PRIM2: variants seen among roughly 807,000 people sequenced by gnomAD.
The protein encoded by PRIM2 is DNA primase large subunit.
PRIM2 carries 39 observed loss-of-function variants against 67.3 expected under a neutral mutation model. That is an observed-to-expected ratio of 0.58 (90% confidence interval 0.45 to 0.76). PRIM2 has a LOEUF of 0.76. Among genes scored for constraint, PRIM2 ranks in the 30% least tolerant of loss-of-function variants. The pLI is 0.00. For synonymous variants in PRIM2, 143 were observed against 198.7 expected, an observed-to-expected ratio of 0.72 and a Z score of 2.36; for missense variants, 398 against 598.7, an observed-to-expected ratio of 0.66 and a Z score of 3.50.
upstream of PRIM2, among the ~76,000 whole-genome samples, chr6:57,311,201 A>AGAGGCGCTCCTCACCTCCTG (rs1767378272): frequency 8.6e-5 from 7 of 81,418 alleles, no homozygotes; most frequent in South Asian, 1.6e-3. Flanking sequence ...CTCACCTCCC[A>AGAGGCGCTCCTCACCTCCTG]GACGGGGCGG....
chr6:57,399,559 A>G (rs1770637107), intron 7 of PRIM2, among the ~76,000 whole-genome samples: 1 of 152,156 alleles, frequency 6.6e-6, no homozygotes, highest in Non-Finnish European at 1.5e-5. Context: ...TATACCCAGT[A>G]ATGGGATTGC....
chr6:57,296,332 A>G, the PRIM2 span, among the ~76,000 whole-genome samples: 4 of 152,156 alleles, frequency 2.6e-5, no homozygotes, highest in African/African-American at 4.8e-5. Context: ...TCTACTTTAT[A>G]TATATATATT....
chr6:57,391,482 G>A (rs1376200381), intron 7 of PRIM2, among the ~76,000 whole-genome samples: 2 of 151,784 alleles, frequency 1.3e-5, no homozygotes, highest in East Asian at 1.9e-4. Flanking sequence ...GTCTTCCAGG[G>A]TTTTCATTGC....
intron 5 of PRIM2, among the ~76,000 whole-genome samples, chr6:57,350,500 G>A (rs2127300421): frequency 6.6e-6 from 1 of 152,292 alleles, no homozygotes; most frequent in South Asian, 2.1e-4. Flanking sequence ...TTGTCAATCT[G>A]CAAGCCTCAA....
the PRIM2 span, among the ~76,000 whole-genome samples, chr6:57,277,723 G>C: frequency 6.6e-6 from 1 of 152,056 alleles, no homozygotes; most frequent in South Asian, 2.1e-4. Context: ...CTTCATGCCT[G>C]TAATCCCAGC....
chr6:57,624,232 C>T (rs1210593405), intron 12 of PRIM2, among the ~76,000 whole-genome samples: 1 of 152,158 alleles, frequency 6.6e-6, no homozygotes, highest in Admixed American at 6.5e-5. Context: ...TGTTTGTCCT[C>T]CCTTCCCCCT....
chr6:57,471,201 T>G (rs1251957194), intron 7 of PRIM2, among the ~76,000 whole-genome samples: 2 of 152,078 alleles, frequency 1.3e-5, no homozygotes, highest in African/African-American at 4.8e-5. Flanking sequence ...TGAGCTGTGG[T>G]ATGGGCATGT....
intron 5 of PRIM2, among the ~76,000 whole-genome samples, chr6:57,334,690 C>G (rs938273445): frequency 1.3e-5 from 2 of 152,068 alleles, no homozygotes; most frequent in Admixed American, 1.3e-4. Context: ...CGATTTTCAC[C>G]TCACAGATTA....
At chr6:57,293,761 C>T in the PRIM2 span, among the ~76,000 whole-genome samples, 4 of 151,632 alleles carry the variant, frequency 2.6e-5, no homozygotes, top group African/African-American at 9.7e-5. Flanking sequence ...CTGCATGTTC[C>T]CAGTCATAGG....
intron 7 of PRIM2, among the ~76,000 whole-genome samples, chr6:57,398,883 C>A (rs1770611430): frequency 6.6e-6 from 1 of 152,052 alleles, no homozygotes; most frequent in Non-Finnish European, 1.5e-5. Context: ...CAATTGAAGT[C>A]TTTACCGTTA....
At chr6:57,309,246 C>T in the PRIM2 span, among the ~76,000 whole-genome samples, 1 of 149,608 alleles carries the variant, frequency 6.7e-6, no homozygotes, top group African/African-American at 2.5e-5. Flanking sequence ...CCCACTAACT[C>T]GTCATCTAGC....
the PRIM2 span, among the ~76,000 whole-genome samples, chr6:57,277,816 TAA>T: frequency 9.3e-5 from 14 of 150,392 alleles, no homozygotes; most frequent in South Asian, 4.3e-4. Context: ...CCATCTCTAC[TAA>T]AAAAATACAA....
intron 7 of PRIM2, among the ~76,000 whole-genome samples, chr6:57,413,514 G>T: frequency 6.6e-6 from 1 of 151,828 alleles, no homozygotes; most frequent in East Asian, 1.9e-4. Flanking sequence ...GATAGTAAAA[G>T]AAATAGAAAA....
At position 57,646,795 on chromosome 6, in the gene PRIM2, G is replaced by A. The variant is rs2127503591; in HGVS notation, c.*637G>A. On this transcript the variant is annotated 3_prime_UTR_variant, in exon 14 of 14. Transcript: ENST00000615550. ...TTTTGTTTTAACTCTTAATCACTTT[G>A]TAATTTTGACTCAATCCTTTTCTGG... 6.6e-6 allele frequency: 1 copy of A among 152,304 alleles called. No homozygotes were observed. Among genetic ancestry groups the A allele is most frequent in the Admixed American group, 6.5e-5 (1 of 15,296 alleles). 9.4% of individuals were successfully genotyped at this position (152,304 alleles called of 1,614,324 possible).
intron 9 of PRIM2, among the ~76,000 whole-genome samples, chr6:57,536,898 C>A (rs2127469843): frequency 6.6e-6 from 1 of 152,138 alleles, no homozygotes; most frequent in East Asian, 1.9e-4. Context: ...GGTGACAGAA[C>A]TGTTCTGCAT....
chr6:57,646,812 C>A lies in PRIM2; in HGVS notation c.*654C>A, dbSNP rs1357645936. ...ATCACTTTGTAATTTTGACTCAATCCTTTTCTGGACCATTTTTGTTAATAA... is the reference window on the plus strand; with the variant it reads ...ATCACTTTGTAATTTTGACTCAATCATTTTCTGGACCATTTTTGTTAATAA... On this transcript the variant is annotated 3_prime_UTR_variant, in exon 14 of 14. Coordinates refer to ENST00000615550, the MANE Select transcript of PRIM2 (RefSeq NM_000947.5). 3 of 152,136 alleles carry A rather than the reference C, an allele frequency of 2.0e-5. No individual in the cohort carries two copies. Among genetic ancestry groups the A allele is most frequent in the African/African-American group, 7.2e-5 (3 of 41,434 alleles). The allele number at this position is 152,136 out of a possible 1,614,324, so 9.4% of individuals were successfully genotyped here. A position where few individuals can be genotyped will look rare whatever the true frequency, so the allele number is the denominator to read the frequency against.
intron 7 of PRIM2, among the ~76,000 whole-genome samples, chr6:57,478,121 C>T (rs1320333471): frequency 0.013 from 1,973 of 152,234 alleles, 42 homozygotes; most frequent in African/African-American, 0.045. Context: ...AAAGGTAAAG[C>T]AGTTTGTTAA....
At chr6:57,371,864 T>C (rs1256232167) in intron 5 of PRIM2, among the ~76,000 whole-genome samples, 3 of 152,218 alleles carry the variant, frequency 2.0e-5, no homozygotes, top group Non-Finnish European at 4.4e-5. Flanking sequence ...TTCTGCATTG[T>C]GTGTCTGGTT....
chr6:57,403,417 C>T (rs555436826), intron 7 of PRIM2, among the ~76,000 whole-genome samples: 442 of 151,770 alleles, frequency 2.9e-3, no homozygotes, highest in African/African-American at 0.01. Flanking sequence ...CCATCACACC[C>T]GGCTAATTTT....
Sources: allele counts gnomAD v4.1 joint callset (sites outside exome capture counted in the v4.1 genomes callset), GRCh38; gene constraint gnomAD v4.1.1; transcripts MANE v1.5; gene names NCBI Gene and HGNC (gene_info 2026-07-23, HGNC 2026-07-21).